Variants in LHCGR observed in about 807,000 individuals in gnomAD.
LHCGR encodes luteinizing hormone/choriogonadotropin receptor, also known as lutropin-choriogonadotropic hormone receptor.
A neutral mutation model predicts 60.7 loss-of-function variants in LHCGR; 55 were observed. The observed-to-expected ratio is 0.91, with a 90% CI of 0.73 to 1.13. The LOEUF (loss-of-function observed/expected upper bound fraction) is 1.13, where lower values mean the gene tolerates loss of function less well. Among genes scored for constraint, LHCGR ranks in the 50% most tolerant of loss-of-function variants. The probability of loss-of-function intolerance (pLI) is 0.00; values close to 1 mark genes in which losing one functional copy is unlikely to be tolerated. For synonymous variants in LHCGR, 337 were observed against 316.5 expected (o/e 1.06, Z -0.69); for missense variants, 862 against 836.0 (o/e 1.03, Z -0.38).
At position 48,737,217 on chromosome 2, in the gene LHCGR, T is replaced by C. The variant is rs1332716314; in HGVS notation, c.162-5919A>G. On this transcript the variant is annotated intron_variant, in intron 1 of 10. Transcript: ENST00000294954. Reference sequence around the variant, plus strand: ...TTGTTAAAAATGCCAACTATATTATTGATTTAAGAAAGCTACAAACATCCA... The same window carrying C: ...TTGTTAAAAATGCCAACTATATTATCGATTTAAGAAAGCTACAAACATCCA... Among the ~76,000 whole-genome samples the C allele has an allele frequency of 6.6e-5, 10 of 152,334 alleles. No individual in the cohort carries two copies. In the East Asian group the frequency reaches 1.4e-3, roughly 21 times the overall value.
chr2:48,740,900 G>A (rs1310364485), intron 1 of LHCGR, among the ~76,000 whole-genome samples: 8 of 152,090 alleles, frequency 5.3e-5, no homozygotes, highest in Non-Finnish European at 8.8e-5. Context: ...TCCGAGCTAC[G>A]GGAGGACATT....
intron 8 of LHCGR, among the ~76,000 whole-genome samples, chr2:48,701,427 A>G (rs947503322): frequency 1.3e-5 from 2 of 152,180 alleles, no homozygotes; most frequent in Non-Finnish European, 2.9e-5. Flanking sequence ...GCTGTTCTTC[A>G]AATACACAAG....
At chr2:48,722,628 G>T (rs1020508425) in intron 6 of LHCGR, among the ~76,000 whole-genome samples, 1 of 152,150 alleles carries the variant, frequency 6.6e-6, no homozygotes, top group Non-Finnish European at 1.5e-5. Context: ...CATGTGAGGT[G>T]CTGGCTCACC....
At chr2:48,702,511 T>G (rs1436187894) in intron 8 of LHCGR, among the ~76,000 whole-genome samples, 2 of 152,096 alleles carry the variant, frequency 1.3e-5, no homozygotes, top group Non-Finnish European at 2.9e-5. Flanking sequence ...GAACATGCGG[T>G]GTTTAGTTTT....
chr2:48,727,468 T>G (rs148700437), intron 3 of LHCGR, among the ~76,000 whole-genome samples: 34 of 152,356 alleles, frequency 2.2e-4, no homozygotes, highest in Non-Finnish European at 4.3e-4. Context: ...TCCATAAACT[T>G]TCCCTGAGAG....
intron 8 of LHCGR, among the ~76,000 whole-genome samples, chr2:48,704,866 G>A (rs1160593565): frequency 6.6e-6 from 1 of 152,034 alleles, no homozygotes; most frequent in Non-Finnish European, 1.5e-5. Flanking sequence ...ATTTTTTGAA[G>A]GGTTTTTTGT....
intron 6 of LHCGR, among the ~76,000 whole-genome samples, chr2:48,714,958 G>A (rs571125507): frequency 6.6e-6 from 1 of 152,152 alleles, no homozygotes; most frequent in Non-Finnish European, 1.5e-5. Context: ...ACTAGGATAT[G>A]CTTTGTCTGG....
chr2:48,736,761 T>A (rs1265745997), intron 1 of LHCGR, among the ~76,000 whole-genome samples: 1 of 152,204 alleles, frequency 6.6e-6, no homozygotes. Flanking sequence ...AATCTGGAAA[T>A]CCTTGCTTAT....
rs553859137 is a variant in LHCGR, at chr2:48,741,190, G to A, written c.162-9892C>T. ...AAGCCTCCAAGAAATATGGGACTAT[G>A]TGAAAAGACCAAATCTACGTCTGAT... is the stretch of plus-strand genomic sequence containing the variant. On this transcript the variant is annotated intron_variant, in intron 1 of 10. Transcript: ENST00000294954. Among the ~76,000 whole-genome samples, 7 of 152,286 alleles carry A rather than the reference G, an allele frequency of 4.6e-5. No individual in the cohort carries two copies. In the East Asian group the frequency reaches 9.6e-4, roughly 21 times the overall value.
chr2:48,742,033 G>T (rs1422609620), intron 1 of LHCGR, among the ~76,000 whole-genome samples: 1 of 152,018 alleles, frequency 6.6e-6, no homozygotes, highest in Non-Finnish European at 1.5e-5. Flanking sequence ...AAAGGCAGGG[G>T]TTGCCATCCT....
chr2:48,742,231 A>T lies in LHCGR; in HGVS notation c.162-10933T>A, dbSNP rs1669490860. 2.0e-5 allele frequency among the ~76,000 whole-genome samples: 3 copies of T among 152,176 alleles called. No homozygotes were observed. In the South Asian group the frequency reaches 6.2e-4, roughly 32 times the overall value. On this transcript the variant is annotated intron_variant, in intron 1 of 10. Transcript: ENST00000294954. ...CCTACAAAGAGACTTAGACTCCCACACATTAATAATGGGAGACTTTAACAC... is the reference window on the plus strand; with the variant it reads ...CCTACAAAGAGACTTAGACTCCCACTCATTAATAATGGGAGACTTTAACAC...
At chr2:48,701,760 C>T (rs1030165699) in intron 8 of LHCGR, among the ~76,000 whole-genome samples, 4 of 152,184 alleles carry the variant, frequency 2.6e-5, no homozygotes, top group South Asian at 2.1e-4. Flanking sequence ...TCTGCCATTT[C>T]CCTGATGCCT....
chr2:48,692,003 G>T (rs1400077228), intron 10 of LHCGR, among the ~76,000 whole-genome samples: 3 of 152,084 alleles, frequency 2.0e-5, no homozygotes, highest in African/African-American at 7.2e-5. Context: ...ACAGTTCAGA[G>T]ACCTTTCCCC....
intron 1 of LHCGR, among the ~76,000 whole-genome samples, chr2:48,754,911 C>T (rs904853567): frequency 6.6e-6 from 1 of 151,992 alleles, no homozygotes; most frequent in African/African-American, 2.4e-5. Flanking sequence ...CGGGTGCCAG[C>T]GGCAGGGCAC....
chr2:48,688,659 C>G lies in LHCGR; in HGVS notation c.1138G>C (p.Val380Leu), dbSNP rs973868615. 6.2e-7 allele frequency: 1 copy of G among 1,614,148 alleles called. No individual in the cohort carries two copies. ...CGACTTGTCAGGAGAACAAAAAGAA[C>G]AGTCATGTTTCCCATGATGGCTAGA... Reference protein sequence around the residue: ...NILAIMGNMTVLFVLLTSRYK... With the variant: ...NILAIMGNMTLLFVLLTSRYK... The change falls in exon 11 of 11, where the codon GTT becomes CTT. Residue 380 changes from valine to leucine, a missense_variant. Val to Leu is a conservative substitution (Grantham distance 32). Coordinates refer to ENST00000294954, the MANE Select transcript of LHCGR (RefSeq NM_000233.4). This position sits in a 1 kb window ranked among gnomAD's most constrained non-coding sequence, Gnocchi z 5.2.
chr2:48,731,326 G>A (rs1302287902), intron 1 of LHCGR, 28 bp from the exon 2 acceptor site: 2 of 1,542,160 alleles, frequency 1.3e-6, no homozygotes, highest in Non-Finnish European at 1.8e-6. Context: ...AAATCCAAGA[G>A]TTTAAGATTT....
intron 8 of LHCGR, among the ~76,000 whole-genome samples, chr2:48,699,405 C>T (rs1303726615): frequency 1.3e-5 from 2 of 152,120 alleles, no homozygotes; most frequent in Non-Finnish European, 2.9e-5. Flanking sequence ...TCTCTTCCTC[C>T]CCACCCTCTC....
intron 1 of LHCGR, chr2:48,732,827 A>G (rs1241027961): frequency 3.8e-6 from 2 of 531,780 alleles, no homozygotes; most frequent in East Asian, 5.5e-5. Flanking sequence ...TCACTCAATA[A>G]TCTCTTAGAA....
chr2:48,720,114 C>T (rs1198922233), intron 6 of LHCGR: 2 of 152,218 alleles, frequency 1.3e-5, no homozygotes, highest in Admixed American at 6.5e-5. Context: ...ACCCTACTGG[C>T]ATGCACTCTT....
Sources: allele counts gnomAD v4.1 joint callset (sites outside exome capture counted in the v4.1 genomes callset), GRCh38; gene constraint gnomAD v4.1.1; non-coding constraint Gnocchi (gnomAD v3.1); transcripts MANE v1.5; gene names NCBI Gene and HGNC (gene_info 2026-07-23, HGNC 2026-07-21).